The following DNM3 variants were observed in gnomAD, a reference collection of about 807,000 sequenced individuals.
DNM3 encodes the protein dynamin 3, also known as dynamin-3.
A neutral mutation model predicts 101.6 loss-of-function variants in DNM3; 47 were observed. The observed-to-expected ratio is 0.46, with a 90% confidence interval of 0.37 to 0.59. DNM3 has a LOEUF of 0.59. Ranked by LOEUF, DNM3 falls within the 20% of genes least tolerant of loss-of-function variation. The probability of loss-of-function intolerance (pLI) is 0.00; values close to 1 mark genes in which losing one functional copy is unlikely to be tolerated. For synonymous variants in DNM3, 385 were observed against 387.9 expected, an observed-to-expected ratio of 0.99 and a Z score of 0.09; for missense variants, 849 against 1,085.7, an observed-to-expected ratio of 0.78 and a Z score of 3.06.
intron 16 of DNM3, among the ~76,000 whole-genome samples, chr1:172,319,855 C>T (rs2065606578): frequency 6.6e-6 from 1 of 152,046 alleles, no homozygotes; most frequent in Non-Finnish European, 1.5e-5. Context: ...CTAGAAATAC[C>T]ATTTGACCCA....
At chr1:172,254,171 C>T (rs1478446881) in intron 15 of DNM3, among the ~76,000 whole-genome samples, 3 of 152,142 alleles carry the variant, frequency 2.0e-5, no homozygotes, top group Admixed American at 2.0e-4. Flanking sequence ...AGAGATTCTC[C>T]TGCCTTGGCC....
At chr1:171,978,817 G>A (rs1168571083) in intron 2 of DNM3, among the ~76,000 whole-genome samples, 1 of 152,134 alleles carries the variant, frequency 6.6e-6, no homozygotes, top group African/African-American at 2.4e-5. Context: ...GTTTGGAAGA[G>A]AGCTGAGGAA....
At chr1:172,081,931 A>G (rs748145155) in intron 12 of DNM3, 29 bp downstream of exon 12, 23 of 1,601,700 alleles carry the variant, frequency 1.4e-5, no homozygotes, top group Middle Eastern at 3.3e-4. Flanking sequence ...GGCCACATGC[A>G]TTCCTCCTGT....
At chr1:172,144,378 C>T (rs2057762514) in intron 14 of DNM3, 1 of 213,178 alleles carries the variant, frequency 4.7e-6, no homozygotes, top group African/African-American at 2.4e-5. Context: ...CTGGTCTTCC[C>T]TTCGGCAGTC....
chr1:172,079,699 T>A (rs2052976196), intron 11 of DNM3, among the ~76,000 whole-genome samples: 1 of 152,134 alleles, frequency 6.6e-6, no homozygotes, highest in African/African-American at 2.4e-5. Context: ...AGAGAAGAGG[T>A]GTTCTGGTTT....
At position 171,939,041 on chromosome 1, in the gene DNM3, C is replaced by A. The variant is rs146692945; in HGVS notation, c.235+17220C>A. Among the ~76,000 whole-genome samples, 696 of 152,016 alleles carry A rather than the reference C, an allele frequency of 4.6e-3. 5 individuals carry two copies. Among genetic ancestry groups the A allele is most frequent in the African/African-American group, 0.016 (647 of 41,494 alleles). On this transcript the variant is annotated intron_variant, in intron 2 of 20. Transcript: ENST00000627582. ...TTTTTTTTCCTTACTGACAACACCC[C>A]AAAACTTATTTTTAACCCACTTTCT...
chr1:171,923,844 C>G (rs1364421492), intron 2 of DNM3, among the ~76,000 whole-genome samples: 1 of 152,148 alleles, frequency 6.6e-6, no homozygotes, highest in Non-Finnish European at 1.5e-5. Flanking sequence ...CACTCTTCCC[C>G]CTTTTGGAGT....
chr1:172,398,331 G>A (rs1236899431), intron 20 of DNM3, among the ~76,000 whole-genome samples: 1 of 152,164 alleles, frequency 6.6e-6, no homozygotes, highest in Non-Finnish European at 1.5e-5. Flanking sequence ...CCTGCTAGCT[G>A]TGTTTGGCAG....
chr1:172,034,422 A>C (rs765118334), intron 6 of DNM3, among the ~76,000 whole-genome samples: 32 of 152,104 alleles, frequency 2.1e-4, no homozygotes, highest in Non-Finnish European at 4.1e-4. Context: ...AAAAAATACA[A>C]ATAAACTGAA....
intron 12 of DNM3, among the ~76,000 whole-genome samples, chr1:172,088,411 G>T (rs1276926354): frequency 1.3e-5 from 2 of 152,032 alleles, no homozygotes; most frequent in Non-Finnish European, 2.9e-5. Context: ...TGCATTTCAG[G>T]GAACTAATTT....
rs1481003600 is a variant in DNM3 at position 172,372,065 on chromosome 1, C to CT, written c.1894-6952dup. On this transcript the variant is annotated intron_variant, in intron 17 of 20. Coordinates refer to ENST00000627582, the MANE Select transcript of DNM3 (RefSeq NM_015569.5). ...TATCTCCCAATGCTATCCCTCCCCC[C>CT]TCCCCCCACCCCACAACAGTCCCCA... is the stretch of plus-strand genomic sequence containing the variant. Among the ~76,000 whole-genome samples the CT allele has an allele frequency of 3.2e-5, 3 of 92,338 alleles. No individual in the cohort carries two copies. The Admixed American group carries it at 4.0e-4, about 12-fold the overall frequency. 60.6% of individuals were successfully genotyped at this position (92,338 alleles called of 152,430 possible).
intron 4 of DNM3, among the ~76,000 whole-genome samples, chr1:171,990,964 T>A (rs1400890373): frequency 6.6e-6 from 1 of 152,122 alleles, no homozygotes; most frequent in Admixed American, 6.6e-5. Context: ...CATTCCTGTC[T>A]TACAGCCTTC....
intron 14 of DNM3, among the ~76,000 whole-genome samples, chr1:172,234,838 C>T (rs1451091174): frequency 6.6e-6 from 1 of 152,088 alleles, no homozygotes; most frequent in South Asian, 2.1e-4. Flanking sequence ...ACACCTTATA[C>T]AAAAATTAAT....
chr1:172,114,920 A>G (rs2055779790), intron 13 of DNM3, among the ~76,000 whole-genome samples: 1 of 152,188 alleles, frequency 6.6e-6, no homozygotes, highest in Non-Finnish European at 1.5e-5. Context: ...CATGCCATGT[A>G]CTATCTAGTA....
intron 14 of DNM3, among the ~76,000 whole-genome samples, chr1:172,208,624 T>G (rs1044193988): frequency 2.0e-5 from 3 of 152,064 alleles, no homozygotes; most frequent in Admixed American, 6.6e-5. Context: ...TGAGAGCAAA[T>G]TCATTAAAAT....
At position 172,135,293 on chromosome 1, in the gene DNM3, A is replaced by G. The variant is rs115605229; in HGVS notation, c.1659+4005A>G. Among the ~76,000 whole-genome samples, 1,112 of 152,230 alleles carry G rather than the reference A, an allele frequency of 7.3e-3. 16 individuals carry two copies. Among genetic ancestry groups the G allele is most frequent in the African/African-American group, 0.025 (1,035 of 41,534 alleles). On this transcript the variant is annotated intron_variant, in intron 14 of 20. Transcript: ENST00000627582. ...CCAGGGGACATAGCACTGATAGGAG[A>G]CACTAACTAAATATTGATTGAATGA...
intron 4 of DNM3, among the ~76,000 whole-genome samples, chr1:171,998,106 A>G (rs1364264647): frequency 2.6e-5 from 4 of 152,166 alleles, no homozygotes; most frequent in Admixed American, 6.5e-5. Context: ...TGCATGATAA[A>G]AGTGCCTGTC....
chr1:172,226,754 G>T (rs1319530432), intron 14 of DNM3, among the ~76,000 whole-genome samples: 3 of 151,908 alleles, frequency 2.0e-5, no homozygotes, highest in African/African-American at 7.3e-5. Context: ...CCCATTTGAT[G>T]GGCATTTATT....
At chr1:172,119,493 C>A (rs1450239574) in intron 13 of DNM3, among the ~76,000 whole-genome samples, 1 of 152,046 alleles carries the variant, frequency 6.6e-6, no homozygotes, top group African/African-American at 2.4e-5. Flanking sequence ...TCTCTTCTAG[C>A]CCCGCCTCGG....
Sources: allele counts gnomAD v4.1 joint callset (sites outside exome capture counted in the v4.1 genomes callset), GRCh38; gene constraint gnomAD v4.1.1; transcripts MANE v1.5; gene names NCBI Gene and HGNC (gene_info 2026-07-23, HGNC 2026-07-21).